Variants in FARS2 observed in about 807,000 individuals in gnomAD.
The protein encoded by FARS2 is phenylalanyl-tRNA synthetase 2, mitochondrial.
In FARS2, 40 loss-of-function variants were observed where a neutral mutation model predicts 46.4. The ratio of observed to expected loss-of-function variants is 0.86; its 90% CI spans 0.67 to 1.12. The LOEUF (loss-of-function observed/expected upper bound fraction) is 1.12, where lower values mean the gene tolerates loss of function less well. FARS2 is among the 50% of genes most tolerant of loss of function. The pLI, the probability that FARS2 is intolerant of heterozygous loss-of-function variation, is 0.00. For missense variants in FARS2, 513 were observed against 567.9 expected (o/e 0.90, Z 0.98); for synonymous variants, 234 against 214.9 (o/e 1.09, Z -0.78).
intron 4 of FARS2, chr6:5,451,691 T>C (rs1304302107): frequency 1.3e-5 from 2 of 152,180 alleles, no homozygotes; most frequent in Non-Finnish European, 2.9e-5. Flanking sequence ...AATACTTTCT[T>C]TTGGAGTTTA....
chr6:5,743,560 T>C (rs546908351), intron 6 of FARS2, among the ~76,000 whole-genome samples: 2 of 152,238 alleles, frequency 1.3e-5, no homozygotes, highest in South Asian at 4.1e-4. Context: ...GAAAGTTTCA[T>C]GCTAGCATTT....
intron 5 of FARS2, among the ~76,000 whole-genome samples, chr6:5,559,212 G>A (rs886820311): frequency 6.6e-6 from 1 of 152,076 alleles, no homozygotes; most frequent in African/African-American, 2.4e-5. Context: ...AGACCAGCCT[G>A]GGCAACATAG....
Position 5,771,421 on chromosome 6 carries a change from A to G in FARS2, c.1348A>G (p.Arg450Gly). The G allele has an allele frequency of 6.2e-7, 1 of 1,613,904 alleles. No individual in the cohort carries two copies. The highest frequency in any genetic ancestry group is 8.5e-7 in the Non-Finnish European group (1 of 1,179,922). ...AAVQLLGVEG[R>G]F Reference sequence around the variant, plus strand: ...AGTCCAGCTGTTGGGTGTGGAGGGCAGGTTCTGATGTCACCACTTCACTCA... The same window carrying G: ...AGTCCAGCTGTTGGGTGTGGAGGGCGGGTTCTGATGTCACCACTTCACTCA... Residue 450 changes from arginine (R) to glycine (G), a missense_variant, in exon 7 of 7, where the codon AGG becomes GGG. Physicochemically the swap from Arg to Gly is moderately radical, Grantham distance 125. Coordinates refer to ENST00000274680, the MANE Select transcript of FARS2 (RefSeq NM_006567.5).
intron 1 of FARS2, among the ~76,000 whole-genome samples, chr6:5,281,519 T>G (rs2127856506): frequency 6.6e-6 from 1 of 152,292 alleles, no homozygotes; most frequent in South Asian, 2.1e-4. Flanking sequence ...TTCAGTGGCA[T>G]TAAGTACATT....
chr6:5,693,888 A>G (rs1404235997), intron 6 of FARS2, among the ~76,000 whole-genome samples: 1 of 152,242 alleles, frequency 6.6e-6, no homozygotes, highest in Admixed American at 6.5e-5. Flanking sequence ...TGTGCAAGTC[A>G]GCAGGTGGAA....
chr6:5,297,909 C>T (rs1439610237), intron 1 of FARS2, among the ~76,000 whole-genome samples: 2 of 152,160 alleles, frequency 1.3e-5, no homozygotes, highest in African/African-American at 2.4e-5. Flanking sequence ...TTAAAAACAT[C>T]TCCACTCTAC....
At chr6:5,588,133 C>A (rs1303407469) in intron 5 of FARS2, among the ~76,000 whole-genome samples, 1 of 151,824 alleles carries the variant, frequency 6.6e-6, no homozygotes, top group East Asian at 1.9e-4. Flanking sequence ...TGTTCTACCC[C>A]AAGGCAGCCA....
At chr6:5,472,976 G>A (rs147546455) in intron 4 of FARS2, among the ~76,000 whole-genome samples, 2 of 152,252 alleles carry the variant, frequency 1.3e-5, no homozygotes, top group East Asian at 1.9e-4. Flanking sequence ...TTTGGATGAA[G>A]TATCTGCAAA....
At chr6:5,578,808 CAAAAAA>C (rs56248218) in intron 5 of FARS2, among the ~76,000 whole-genome samples, 2 of 124,370 alleles carry the variant, frequency 1.6e-5, no homozygotes, top group Non-Finnish European at 1.6e-5. Context: ...CACTCCGTCT[CAAAAAA>C]AAAAAAAAAA....
intron 2 of FARS2, among the ~76,000 whole-genome samples, 183 bp from the exon 3 acceptor site, chr6:5,404,359 T>C (rs1582004390): frequency 6.6e-6 from 1 of 152,224 alleles, no homozygotes; most frequent in East Asian, 1.9e-4. Context: ...TGTAGCGTAG[T>C]GTTTTCTTCA....
chr6:5,363,868 G>A (rs950146254), intron 1 of FARS2, among the ~76,000 whole-genome samples: 13 of 152,078 alleles, frequency 8.5e-5, no homozygotes, highest in African/African-American at 2.2e-4. Context: ...TCTTATATAC[G>A]CTTGTGATAT....
At chr6:5,606,255 T>C (rs1017874604) in intron 5 of FARS2, among the ~76,000 whole-genome samples, 1 of 151,858 alleles carries the variant, frequency 6.6e-6, no homozygotes, top group Non-Finnish European at 1.5e-5. Context: ...TGCAGAGCCT[T>C]GGGGATAAAG....
chr6:5,504,330 T>C (rs1031238736), intron 4 of FARS2, among the ~76,000 whole-genome samples: 2 of 151,330 alleles, frequency 1.3e-5, no homozygotes, highest in Non-Finnish European at 2.9e-5. Flanking sequence ...ACAATTAATA[T>C]GAGAGCTTGA....
chr6:5,657,763 G>T (rs531816133), intron 6 of FARS2, among the ~76,000 whole-genome samples: 3 of 152,158 alleles, frequency 2.0e-5, no homozygotes, highest in Non-Finnish European at 2.9e-5. Flanking sequence ...ATAACTCTCA[G>T]TTTCCAGTAA....
intron 5 of FARS2, among the ~76,000 whole-genome samples, chr6:5,574,345 C>T (rs1469650684): frequency 2.6e-5 from 4 of 151,934 alleles, no homozygotes; most frequent in Non-Finnish European, 4.4e-5. Context: ...AGGATGGTCT[C>T]GATCTCCTGA....
At chr6:5,699,869 CT>C (rs1309722576) in intron 6 of FARS2, among the ~76,000 whole-genome samples, 2 of 152,118 alleles carry the variant, frequency 1.3e-5, no homozygotes, top group Non-Finnish European at 2.9e-5. Flanking sequence ...GCACCGAGAT[CT>C]TTTAAAGCTC....
chr6:5,584,167 C>G (rs1773493266), intron 5 of FARS2, among the ~76,000 whole-genome samples: 1 of 136,056 alleles, frequency 7.3e-6, no homozygotes, highest in Admixed American at 7.8e-5. Context: ...GATGAGGACC[C>G]TGCGGGCCCT....
intron 1 of FARS2, among the ~76,000 whole-genome samples, chr6:5,359,686 C>T (rs1161594065): frequency 6.6e-6 from 1 of 152,252 alleles, no homozygotes; most frequent in Non-Finnish European, 1.5e-5. Context: ...GTGCCAAACT[C>T]TTACTGATGG....
At chr6:5,619,761 T>G (rs1388684271) in intron 6 of FARS2, among the ~76,000 whole-genome samples, 1 of 152,164 alleles carries the variant, frequency 6.6e-6, no homozygotes, top group Non-Finnish European at 1.5e-5. Context: ...GTTGACCTGG[T>G]CAAAGCTCTT....
Sources: allele counts gnomAD v4.1 joint callset (sites outside exome capture counted in the v4.1 genomes callset), GRCh38; gene constraint gnomAD v4.1.1; transcripts MANE v1.5; gene names NCBI Gene and HGNC (gene_info 2026-07-23, HGNC 2026-07-21).